CNTNAP3B: variants seen among roughly 807,000 people sequenced by gnomAD.
CNTNAP3B encodes the protein contactin-associated protein-like 3B.
A neutral mutation model predicts 108.9 loss-of-function variants in CNTNAP3B; 25 were observed. The observed-to-expected ratio is 0.23, with a 90% CI of 0.17 to 0.32. The LOEUF (loss-of-function observed/expected upper bound fraction) is 0.32. Among genes scored for constraint, CNTNAP3B ranks in the 10% least tolerant of loss-of-function variants. The pLI, the probability that CNTNAP3B is intolerant of heterozygous loss-of-function variation, is 1.00. For missense variants in CNTNAP3B, 252 were observed against 1,210.4 expected, an observed-to-expected ratio of 0.21 and a Z score of 11.75; for synonymous variants, 103 against 473.4, an observed-to-expected ratio of 0.22 and a Z score of 10.16.
At chr9:42,123,794 T>C (rs1828511308) in intron 1 of CNTNAP3B, among the ~76,000 whole-genome samples, 1 of 134,278 alleles carries the variant, frequency 7.4e-6, no homozygotes, top group African/African-American at 3.0e-5. Flanking sequence ...CTATTATACA[T>C]ATATATTATA....
At chr9:42,097,412 T>C (rs1307834396) in intron 2 of CNTNAP3B, among the ~76,000 whole-genome samples, 97 of 140,154 alleles carry the variant, frequency 6.9e-4, no homozygotes, top group Non-Finnish European at 1.2e-3. Flanking sequence ...TATTTGTATT[T>C]GAGTTGTGGT....
intron 2 of CNTNAP3B, among the ~76,000 whole-genome samples, chr9:42,086,179 C>G (rs1447178091): frequency 7.0e-6 from 1 of 142,492 alleles, no homozygotes. Flanking sequence ...AAAAGGGGGT[C>G]CCCCTTATAA....
In CNTNAP3B at chr9:42,113,592, T is replaced by A. The variant is rs940173455; in HGVS notation, c.86-8853A>T. Among the ~76,000 whole-genome samples the A allele has an allele frequency of 5.0e-5, 7 of 139,654 alleles. 1 individual carries two copies. The highest frequency in any genetic ancestry group is 7.7e-5 in the Non-Finnish European group (5 of 65,148). The allele number at this position is 139,654 out of a possible 152,430, so 91.6% of individuals were successfully genotyped here. On this transcript the variant is annotated intron_variant, in intron 1 of 23. Transcript: ENST00000377561. ...AAAAGAAAATCATGTGGCGATGTCA[T>A]CACTAATAATTGTTATTACAAATGT...
rs748553009 is a variant in CNTNAP3B, at chr9:41,934,188, C to CATATATAT, written c.2237+4048_2237+4055dup. Among the ~76,000 whole-genome samples, 1,310 of 135,276 alleles carry CATATATAT rather than the reference C, an allele frequency of 9.7e-3. 4 individuals carry two copies. The highest frequency in any genetic ancestry group is 0.022 in the Admixed American group (285 of 13,218). The allele number at this position is 135,276 out of a possible 152,430, so 88.7% of individuals were successfully genotyped here. ...ACACACATATATATACACACACACA[C>CATATATAT]ATATATATATACATACACACACACA... is the stretch of plus-strand genomic sequence containing the variant. On this transcript the variant is annotated intron_variant, in intron 14 of 23. Transcript: ENST00000377561.
At chr9:42,045,669 T>TG (rs1826857165) in intron 3 of CNTNAP3B, among the ~76,000 whole-genome samples, 1 of 149,766 alleles carries the variant, frequency 6.7e-6, no homozygotes, top group South Asian at 2.1e-4. Flanking sequence ...TGTCCACTGA[T>TG]GAGTGGAATG....
At chr9:41,932,845 T>C (rs1394264376) in intron 14 of CNTNAP3B, among the ~76,000 whole-genome samples, 1 of 152,170 alleles carries the variant, frequency 6.6e-6, no homozygotes, top group Non-Finnish European at 1.5e-5. Flanking sequence ...TTTGGGGGAG[T>C]AGGTCAGCAA....
At chr9:41,927,385 A>G (rs1374459989) in intron 15 of CNTNAP3B, among the ~76,000 whole-genome samples, 1 of 125,162 alleles carries the variant, frequency 8.0e-6, no homozygotes, top group Non-Finnish European at 1.7e-5. Context: ...AAACATACTG[A>G]GAAAGAAAAA....
chr9:41,894,308 TG>T (rs1485073592), intron 23 of CNTNAP3B, among the ~76,000 whole-genome samples, 198 bp from the exon 24 acceptor site: 1 of 118,518 alleles, frequency 8.4e-6, no homozygotes, highest in Non-Finnish European at 1.7e-5. Flanking sequence ...AATTATTCTT[TG>T]TAGAGATGGG....
chr9:42,103,418 TAAAAAAAAA>T (rs1156658774), intron 2 of CNTNAP3B, among the ~76,000 whole-genome samples: 1 of 47,720 alleles, frequency 2.1e-5, no homozygotes. Context: ...AACAGGGAGT[TAAAAAAAAA>T]AAAAAAAAAA....
chr9:42,061,406 C>T (rs1174751681), intron 3 of CNTNAP3B, among the ~76,000 whole-genome samples: 1 of 135,362 alleles, frequency 7.4e-6, no homozygotes. Flanking sequence ...CAATCTCTAC[C>T]TCCTGGGCTC....
intron 7 of CNTNAP3B, among the ~76,000 whole-genome samples, chr9:41,995,532 G>A (rs140265812): frequency 0.013 from 1,750 of 135,292 alleles, 227 homozygotes; most frequent in South Asian, 0.047. Context: ...TTGGGAAATC[G>A]AGACCATCCT....
chr9:41,959,579 C>T (rs1160700659), intron 12 of CNTNAP3B, among the ~76,000 whole-genome samples: 9 of 152,302 alleles, frequency 5.9e-5, no homozygotes, highest in Admixed American at 6.5e-5. Context: ...GGATTTCTCA[C>T]TTTGCTTTCA....
At chr9:41,933,583 A>G (rs1330441371) in intron 14 of CNTNAP3B, among the ~76,000 whole-genome samples, 1 of 152,298 alleles carries the variant, frequency 6.6e-6, no homozygotes, top group Admixed American at 6.5e-5. Flanking sequence ...TTACGATTTT[A>G]TAGAAATTCA....
Position 41,942,828 on chromosome 9 carries a change from G to A in CNTNAP3B, c.2081-4428C>T, listed in dbSNP as rs1824400772. On this transcript the variant is annotated intron_variant, in intron 13 of 23. Coordinates refer to ENST00000377561, the MANE Select transcript of CNTNAP3B (RefSeq NM_001201380.3). ...TAAAATAACCTTAGAGGAAATTTTG[G>A]CCTCTGACACAACAGTTATGCAAAG... Among the ~76,000 whole-genome samples the A allele has an allele frequency of 2.6e-5, 4 of 151,874 alleles. No individual in the cohort carries two copies. In the South Asian group the frequency reaches 8.3e-4, roughly 32 times the overall value.
intron 2 of CNTNAP3B, among the ~76,000 whole-genome samples, chr9:42,088,520 G>T (rs553328232): frequency 7.4e-6 from 1 of 135,840 alleles, no homozygotes; most frequent in African/African-American, 2.9e-5. Context: ...TACTCTTTGC[G>T]TAAGTAAGTA....
At chr9:41,996,156 C>CA (rs1226134348) in intron 7 of CNTNAP3B, 49 bp downstream of exon 7, 1 of 950,682 alleles carries the variant, frequency 1.1e-6, no homozygotes, top group Non-Finnish European at 1.5e-6. Flanking sequence ...TTTTTAAATG[C>CA]AAAAAATAAA....
At chr9:41,924,650 CACACACACACACACA>C (rs2117967796) in intron 15 of CNTNAP3B, among the ~76,000 whole-genome samples, 3 of 6,198 alleles carry the variant, frequency 4.8e-4, no homozygotes, top group Middle Eastern at 0.11. Context: ...TTCCTGCACA[CACACACACACACACA>C]CACACACACA....
At chr9:41,941,888 G>T (rs1270383965) in intron 13 of CNTNAP3B, among the ~76,000 whole-genome samples, 1 of 152,044 alleles carries the variant, frequency 6.6e-6, no homozygotes, top group Non-Finnish European at 1.5e-5. Flanking sequence ...GCCCCATCAA[G>T]TTCTCAGAAT....
In CNTNAP3B at chr9:42,122,424, G is replaced by T. The variant is rs1281168707; in HGVS notation, c.85+6586C>A. 1.5e-5 allele frequency among the ~76,000 whole-genome samples: 2 copies of T among 135,462 alleles called. 1 individual carries two copies. The highest frequency in any genetic ancestry group is 4.6e-4 in the East Asian group (2 of 4,358). The allele number at this position is 135,462 out of a possible 152,430, so 88.9% of individuals were successfully genotyped here. On this transcript the variant is annotated intron_variant, in intron 1 of 23. Coordinates refer to ENST00000377561, the MANE Select transcript of CNTNAP3B (RefSeq NM_001201380.3). Reference sequence around the variant, plus strand: ...CAAATGTTTGTAAATTGTAGGTTCTGTGACAGCCTGTGCTATAAAATTTCA... The same window carrying T: ...CAAATGTTTGTAAATTGTAGGTTCTTTGACAGCCTGTGCTATAAAATTTCA...
Sources: allele counts gnomAD v4.1 joint callset (sites outside exome capture counted in the v4.1 genomes callset), GRCh38; gene constraint gnomAD v4.1.1; transcripts MANE v1.5; gene names NCBI Gene and HGNC (gene_info 2026-07-23, HGNC 2026-07-21).